Variants in GRIA1 observed in about 807,000 individuals in gnomAD.
GRIA1 encodes glutamate receptor 1.
In GRIA1, 31 loss-of-function variants were observed where a neutral mutation model predicts 99.2. That is an observed-to-expected ratio of 0.31 (90% CI 0.23 to 0.42). GRIA1 has a LOEUF of 0.42. Ranked by LOEUF, GRIA1 falls within the 10% of genes least tolerant of loss-of-function variation. GRIA1 has a pLI of 1.00. For synonymous variants in GRIA1, 438 were observed against 432.4 expected (o/e 1.01, Z -0.16); for missense variants, 782 against 1,157.5 (o/e 0.68, Z 4.71).
At chr5:153,622,548 C>A (rs572067436) in intron 2 of GRIA1, among the ~76,000 whole-genome samples, 1 of 151,966 alleles carries the variant, frequency 6.6e-6, no homozygotes, top group African/African-American at 2.4e-5. Context: ...CTTTGCCATG[C>A]CTGGCAGCTT....
intron 5 of GRIA1, among the ~76,000 whole-genome samples, chr5:153,671,967 G>T (rs533646115): frequency 6.6e-6 from 1 of 152,126 alleles, no homozygotes; most frequent in African/African-American, 2.4e-5. Flanking sequence ...GGGTGCTGGG[G>T]GTAACTCTAC....
At chr5:153,538,301 C>G (rs949523181) in intron 2 of GRIA1, among the ~76,000 whole-genome samples, 13 of 151,892 alleles carry the variant, frequency 8.6e-5, no homozygotes, top group African/African-American at 2.9e-4. Flanking sequence ...AATTTATATG[C>G]CATAGAGTTT....
intron 2 of GRIA1, among the ~76,000 whole-genome samples, chr5:153,580,365 AT>A (rs1315530115): frequency 2.6e-5 from 4 of 152,250 alleles, no homozygotes; most frequent in Non-Finnish European, 4.4e-5. Context: ...CTTCAAGTTC[AT>A]TTACCTTCTT....
rs147056336 is a variant in GRIA1 at position 153,496,908 on chromosome 5, C to A, written c.220+2843C>A. Among the ~76,000 whole-genome samples the A allele has an allele frequency of 8.0e-4, 121 of 151,764 alleles. 1 individual carries two copies. The South Asian group carries it at 8.3e-3, about 10-fold the overall frequency. ...GTTTTTTTTTCATAATTTTTGCTGT[C>A]ATTTGATTTTTTCCCTTTGCATTTT... On this transcript the variant is annotated intron_variant, in intron 2 of 15. Transcript: ENST00000285900.
intron 11 of GRIA1, among the ~76,000 whole-genome samples, chr5:153,745,254 C>A (rs928893977): frequency 6.6e-6 from 1 of 151,592 alleles, no homozygotes; most frequent in Admixed American, 6.6e-5. Context: ...TTCCTTCTCT[C>A]TTCCTGACTG....
At chr5:153,575,985 T>C (rs1356723492) in intron 2 of GRIA1, among the ~76,000 whole-genome samples, 2 of 152,194 alleles carry the variant, frequency 1.3e-5, no homozygotes, top group Non-Finnish European at 2.9e-5. Flanking sequence ...CAATTCAAAT[T>C]AGGACAACAT....
At chr5:153,686,378 G>A (rs1467457164) in intron 8 of GRIA1, 49 bp downstream of exon 8, 3 of 1,408,810 alleles carry the variant, frequency 2.1e-6, no homozygotes, top group African/African-American at 2.8e-5. Flanking sequence ...GGCTGAGCAG[G>A]GACTCTGGCC....
chr5:153,795,751 C>A (rs1310108035), intron 14 of GRIA1, among the ~76,000 whole-genome samples: 1 of 152,164 alleles, frequency 6.6e-6, no homozygotes, highest in Non-Finnish European at 1.5e-5. Context: ...GTTTGAATAT[C>A]AGCACGCCAG....
At chr5:153,549,757 A>AT (rs1399553096) in intron 2 of GRIA1, among the ~76,000 whole-genome samples, 1 of 132,202 alleles carries the variant, frequency 7.6e-6, no homozygotes, top group East Asian at 2.0e-4. Flanking sequence ...TTCCAAGAAG[A>AT]TCTTTTTTCT....
chr5:153,594,601 G>A (rs1764268107), intron 2 of GRIA1, among the ~76,000 whole-genome samples: 1 of 151,594 alleles, frequency 6.6e-6, no homozygotes, highest in Admixed American at 6.6e-5. Flanking sequence ...TCATTCATTT[G>A]CTTGTTAATT....
chr5:153,765,537 G>A (rs1480753082), intron 12 of GRIA1, among the ~76,000 whole-genome samples: 1 of 152,126 alleles, frequency 6.6e-6, no homozygotes, highest in Non-Finnish European at 1.5e-5. Flanking sequence ...GGGTAGACCT[G>A]TAAACATTTA....
intron 2 of GRIA1, among the ~76,000 whole-genome samples, chr5:153,511,728 T>A (rs1396483688): frequency 6.6e-6 from 1 of 152,246 alleles, no homozygotes; most frequent in East Asian, 1.9e-4. Flanking sequence ...ACAGAACTTT[T>A]GACCGTCACC....
intron 15 of GRIA1, among the ~76,000 whole-genome samples, chr5:153,810,245 AGTACAGGGTCTACAT>A (rs1766724058): frequency 6.6e-6 from 1 of 152,190 alleles, no homozygotes; most frequent in East Asian, 1.9e-4. Context: ...TCAGTCTGGA[AGTACAGGGTCTACAT>A]GCTGATGGGA....
At chr5:153,684,700 A>C (rs1468708298) in intron 7 of GRIA1, among the ~76,000 whole-genome samples, 1 of 152,222 alleles carries the variant, frequency 6.6e-6, no homozygotes, top group Non-Finnish European at 1.5e-5. Context: ...TACTGAGGTG[A>C]TAAGAAGGTG....
chr5:153,677,271 T>G, intron 7 of GRIA1, 110 bp downstream of exon 7: 1 of 899,702 alleles, frequency 1.1e-6, no homozygotes, highest in Non-Finnish European at 1.5e-6. Context: ...ATGCCTGAAG[T>G]TCAGAACAAC....
At chr5:153,533,627 G>A (rs1758286781) in intron 2 of GRIA1, among the ~76,000 whole-genome samples, 1 of 152,202 alleles carries the variant, frequency 6.6e-6, no homozygotes, top group Non-Finnish European at 1.5e-5. Context: ...GGAAGCATCA[G>A]GTTCCTAGGC....
chr5:153,662,563 C>T (rs898124521), intron 5 of GRIA1, among the ~76,000 whole-genome samples: 1 of 152,108 alleles, frequency 6.6e-6, no homozygotes, highest in Non-Finnish European at 1.5e-5. Context: ...AGAGTGTGCC[C>T]TCCCCCTTGT....
intron 14 of GRIA1, among the ~76,000 whole-genome samples, chr5:153,798,180 C>T (rs1052909536): frequency 9.9e-5 from 15 of 152,168 alleles, no homozygotes; most frequent in African/African-American, 3.4e-4. Context: ...TATTTAAAAG[C>T]TCTCCTTTGG....
intron 11 of GRIA1, among the ~76,000 whole-genome samples, chr5:153,739,442 C>T (rs543416443): frequency 6.6e-6 from 1 of 152,318 alleles, no homozygotes; most frequent in South Asian, 2.1e-4. Flanking sequence ...TAGAAGCCTC[C>T]TGATAAATAT....
Sources: gnomAD v4.1 joint callset for allele counts (sites outside exome capture counted in the v4.1 genomes callset) on GRCh38, gnomAD v4.1.1 for gene constraint, MANE v1.5 for transcripts, NCBI Gene and HGNC (gene_info 2026-07-23, HGNC 2026-07-21) for gene names.